AGXT: variants seen among roughly 807,000 people sequenced by gnomAD.
AGXT encodes L-alanine: glyoxylate aminotransferase 1.
AGXT carries 41 observed loss-of-function variants against 46.9 expected under a neutral mutation model. That is an observed-to-expected ratio of 0.88 (90% CI 0.68 to 1.14). The LOEUF is 1.14. Ranked by LOEUF, AGXT falls within the 50% of genes most tolerant of loss-of-function variation. The pLI is 0.00. For synonymous variants in AGXT, 244 were observed against 227.9 expected, an observed-to-expected ratio of 1.07 and a Z score of -0.64; for missense variants, 525 against 522.7, an observed-to-expected ratio of 1.00 and a Z score of -0.04.
Position 240,875,196 on chromosome 2 carries a change from G to T in AGXT, c.768G>T (p.Gln256His). 1 of 1,612,684 alleles carries T rather than the reference G, an allele frequency of 6.2e-7. No individual in the cohort carries two copies. Among genetic ancestry groups the T allele is most frequent in the South Asian group, 1.1e-5 (1 of 91,052 alleles). ...WLANFWGCDD[Q>H]PRMYHHTIPV... is the part of the protein sequence containing the mutation. ...CCAACTTCTGGGGCTGTGACGACCA[G>T]CCCAGGATGTGAGGCCTGGCAGGGA... The change falls in exon 7 of 11, where the codon CAG becomes CAT. Residue 256 changes from glutamine to histidine, a missense_variant. Coordinates refer to ENST00000307503, the MANE Select transcript of AGXT (RefSeq NM_000030.3).
rs564062553 is a variant in AGXT at position 240,870,335 on chromosome 2, G to A, written c.359-309G>A. 1.8e-4 allele frequency among the ~76,000 whole-genome samples: 28 copies of A among 152,174 alleles called. 2 individuals carry two copies. In the South Asian group the frequency reaches 4.8e-3, roughly 26 times the overall value. ...TGGGCCAGGTGCAGCCCTGACTCCC[G>A]GGAGCTCACTCTCTGCTTGGGGAGG... On this transcript the variant is annotated intron_variant, in intron 2 of 10. Transcript: ENST00000307503.
intron 10 of AGXT, 60 bp downstream of exon 10, chr2:240,878,210 C>T: frequency 1.2e-6 from 2 of 1,601,672 alleles, no homozygotes; most frequent in South Asian, 1.1e-5. Context: ...CCTCCTTGAG[C>T]AGGACTGTGC....
chr2:240,872,455 G>C (rs1000201087), intron 4 of AGXT, among the ~76,000 whole-genome samples: 10 of 140,370 alleles, frequency 7.1e-5, no homozygotes, highest in African/African-American at 2.4e-4. Flanking sequence ...CATGCAGGAG[G>C]AGGAGGGCGA....
chr2:240,873,372 G>A (rs1399344105), intron 5 of AGXT: 16 of 381,602 alleles, frequency 4.2e-5, no homozygotes, highest in East Asian at 3.2e-4. Flanking sequence ...TCAATCAGGC[G>A]TTGGGCACCC....
At chr2:240,875,354 G>C (rs2059018529) in intron 7 of AGXT, 150 bp downstream of exon 7, 1 of 708,316 alleles carries the variant, frequency 1.4e-6, no homozygotes, top group Admixed American at 2.5e-5. Context: ...GCCTGCATCA[G>C]GCAGTCAAAT....
In AGXT at chr2:240,870,684, C is replaced by G; in HGVS notation, c.399C>G (p.His133Gln). 1.3e-6 allele frequency: 2 copies of G among 1,556,690 alleles called. No homozygotes were observed. The highest frequency in any genetic ancestry group is 1.7e-6 in the Non-Finnish European group (2 of 1,149,934). ...CGATGACCAAGGACCCTGGAGGCCA[C>G]TACACACTGCAGGAGGTGGAGGAGG... is the stretch of plus-strand genomic sequence containing the variant. ...VHPMTKDPGG[H>Q]YTLQEVEEGL... The change falls in exon 3 of 11, where the codon CAC becomes CAG. Residue 133 changes from histidine (H) to glutamine (Q), a missense_variant. By Grantham distance (24) the His-to-Gln change is conservative. Transcript: ENST00000307503.
intron 5 of AGXT, chr2:240,873,474 C>T (rs923275375): frequency 7.6e-6 from 2 of 264,856 alleles, no homozygotes; most frequent in African/African-American, 2.2e-5. Flanking sequence ...AGGGTCACCT[C>T]GCAGGGAACC....
At position 240,878,687 on chromosome 2, in the gene AGXT, G is replaced by C. The variant is rs1306931524; in HGVS notation, c.1072-27G>C. ...TCAGGCAGGTCCCAGGCGGGAGGCT[G>C]ACGTCAGCCCGCCCTGTGCCCCCCA... On this transcript the variant is annotated intron_variant, in intron 10 of 10. Transcript: ENST00000307503. 3.9e-6 allele frequency: 6 copies of C among 1,539,036 alleles called. No homozygotes were observed. The African/African-American group carries it at 8.2e-5, about 21-fold the overall frequency.
intron 8 of AGXT, 108 bp from the exon 9 acceptor site, chr2:240,877,429 C>A: frequency 8.9e-7 from 1 of 1,124,152 alleles, no homozygotes; most frequent in Non-Finnish European, 1.3e-6. Context: ...CAGGGGCTCC[C>A]CTGCACCAAG....
chr2:240,869,449 G>A (rs564322953), intron 2 of AGXT, 87 bp downstream of exon 2: 78 of 1,431,678 alleles, frequency 5.4e-5, no homozygotes, highest in Admixed American at 1.5e-4. Context: ...GGCAGCCCCC[G>A]TTCCTGGGTG....
At chr2:240,877,259 T>C in intron 8 of AGXT, 1 of 619,360 alleles carries the variant, frequency 1.6e-6, no homozygotes, top group Non-Finnish European at 3.0e-6. Flanking sequence ...CCCAGTCCCC[T>C]CCCCCTGCAA....
chr2:240,877,367 T>G, intron 8 of AGXT, 170 bp from the exon 9 acceptor site: 1 of 710,386 alleles, frequency 1.4e-6, no homozygotes, highest in Admixed American at 2.0e-5. Context: ...TGTTTCCTTC[T>G]GCCCTGGGGT....
At chr2:240,871,988 C>T (rs1181129309) in intron 4 of AGXT, among the ~76,000 whole-genome samples, 1 of 152,260 alleles carries the variant, frequency 6.6e-6, no homozygotes, top group Non-Finnish European at 1.5e-5. Flanking sequence ...ACAGGGCCCC[C>T]AGCCCAGACA....
chr2:240,877,260 C>T, intron 8 of AGXT: 1 of 630,816 alleles, frequency 1.6e-6, no homozygotes, highest in Non-Finnish European at 2.9e-6. Flanking sequence ...CCAGTCCCCT[C>T]CCCCTGCAAG....
intron 4 of AGXT, 56 bp downstream of exon 4, chr2:240,871,505 G>T: frequency 6.7e-7 from 1 of 1,489,066 alleles, no homozygotes; most frequent in Admixed American, 2.0e-5. Flanking sequence ...AGGCTATGGG[G>T]AGGGGTGGGC....
At chr2:240,870,616 C>CTCACGGCCCACTCTG in intron 2 of AGXT, 28 bp from the exon 3 acceptor site, 1 of 1,549,818 alleles carries the variant, frequency 6.5e-7, no homozygotes, top group East Asian at 2.4e-5. Flanking sequence ...GTGCGGGACA[C>CTCACGGCCCACTCTG]TCACGGCCCA....
chr2:240,870,529 C>T (rs1157609030), intron 2 of AGXT, 115 bp from the exon 3 acceptor site: 31 of 1,258,846 alleles, frequency 2.5e-5, no homozygotes, highest in Non-Finnish European at 3.4e-5. Context: ...GCCAGGGTGC[C>T]ACGGTGGGTG....
intron 8 of AGXT, chr2:240,877,118 A>G: frequency 2.7e-6 from 1 of 368,642 alleles, no homozygotes. Flanking sequence ...CTGAGGCAGG[A>G]GCAGTGCTGC....
chr2:240,871,515 C>A (rs2058990601), intron 4 of AGXT, 66 bp downstream of exon 4: 2 of 1,429,010 alleles, frequency 1.4e-6, no homozygotes, highest in Admixed American at 2.0e-5. Flanking sequence ...GAGGGGTGGG[C>A]ACTGGTCCCT....
Sources: gnomAD v4.1 joint callset for allele counts (sites outside exome capture counted in the v4.1 genomes callset) on GRCh38, gnomAD v4.1.1 for gene constraint, MANE v1.5 for transcripts, NCBI Gene and HGNC (gene_info 2026-07-23, HGNC 2026-07-21) for gene names.